The following TMEM132D variants were observed in gnomAD, a reference collection of about 807,000 sequenced individuals.
TMEM132D encodes transmembrane protein 132D, also known as mature OL transmembrane protein.
In TMEM132D, 21 loss-of-function variants were observed where a neutral mutation model predicts 62.3. The ratio of observed to expected loss-of-function variants is 0.34; its 90% CI spans 0.24 to 0.49. The LOEUF is 0.49. TMEM132D is among the 20% of genes least tolerant of loss of function. The pLI, the probability that TMEM132D is intolerant of heterozygous loss-of-function variation, is 0.99. For missense variants in TMEM132D, 1,346 were observed against 1,402.8 expected, an observed-to-expected ratio of 0.96 and a Z score of 0.65; for synonymous variants, 621 against 575.6, an observed-to-expected ratio of 1.08 and a Z score of -1.13.
chr12:129,567,322 C>T (rs1201023599), intron 2 of TMEM132D, among the ~76,000 whole-genome samples: 5 of 152,258 alleles, frequency 3.3e-5, no homozygotes, highest in Admixed American at 6.5e-5. Context: ...TATACAATCA[C>T]GTGTAGATAC....
intron 1 of TMEM132D, among the ~76,000 whole-genome samples, chr12:129,795,656 C>T (rs1871541435): frequency 6.6e-6 from 1 of 152,124 alleles, no homozygotes; most frequent in Admixed American, 6.5e-5. Flanking sequence ...TGTCAGTCTA[C>T]TCCTATCTTA....
Position 129,487,622 on chromosome 12 carries a change from G to A in TMEM132D, c.1115+43437C>T, listed in dbSNP as rs891106332. On this transcript the variant is annotated intron_variant, in intron 3 of 8. Transcript: ENST00000422113. ...CCAATGTGGTGATCTTAAGAGGTGG[G>A]GCCTTTTAGGAAGTCATGGAGTCAT... Among the ~76,000 whole-genome samples the A allele has an allele frequency of 2.6e-5, 4 of 152,038 alleles. No individual in the cohort carries two copies. In the South Asian group the frequency reaches 8.3e-4, roughly 32 times the overall value.
At chr12:129,574,633 G>A (rs77265977) in intron 2 of TMEM132D, among the ~76,000 whole-genome samples, 14,433 of 151,802 alleles carry the variant, frequency 0.095, 928 homozygotes, top group Admixed American at 0.17. Flanking sequence ...TGGAGAGAAA[G>A]CTGAAACTCA....
chr12:129,582,884 CA>C (rs751309035), intron 2 of TMEM132D, among the ~76,000 whole-genome samples: 75 of 152,150 alleles, frequency 4.9e-4, no homozygotes, highest in Non-Finnish European at 9.6e-4. Context: ...CTCGGCCTCC[CA>C]AAGTGCTGGG....
At chr12:129,186,757 A>G (rs1452520503) in intron 5 of TMEM132D, among the ~76,000 whole-genome samples, 1 of 152,248 alleles carries the variant, frequency 6.6e-6, no homozygotes, top group Non-Finnish European at 1.5e-5. Flanking sequence ...ATCACTCCGC[A>G]GGAGATTTAG....
chr12:129,086,942 TTAA>T (rs1468961953), intron 5 of TMEM132D, among the ~76,000 whole-genome samples: 1 of 152,152 alleles, frequency 6.6e-6, no homozygotes, highest in African/African-American at 2.4e-5. Context: ...TTTTCCATAA[TTAA>T]TTTTCCATAC....
At chr12:129,863,181 GTGTC>G (rs2137370084) in intron 1 of TMEM132D, among the ~76,000 whole-genome samples, 1 of 152,296 alleles carries the variant, frequency 6.6e-6, no homozygotes, top group Admixed American at 6.5e-5. Context: ...ACAGACCTTG[GTGTC>G]TGTCTTAGAG....
intron 3 of TMEM132D, among the ~76,000 whole-genome samples, chr12:129,526,314 T>C (rs534452549): frequency 1.5e-3 from 225 of 152,326 alleles, no homozygotes; most frequent in African/African-American, 5.2e-3. Flanking sequence ...ACAAAGTCTT[T>C]GGCTCTGTCT....
chr12:129,812,293 C>A (rs1348859378), intron 1 of TMEM132D, among the ~76,000 whole-genome samples: 1 of 151,590 alleles, frequency 6.6e-6, no homozygotes, highest in Admixed American at 6.6e-5. Context: ...GTGTTTTCAC[C>A]AAAGAAGACT....
At chr12:129,112,420 G>T (rs7971429) in intron 5 of TMEM132D, among the ~76,000 whole-genome samples, 2 of 152,098 alleles carry the variant, frequency 1.3e-5, no homozygotes, top group Non-Finnish European at 2.9e-5. Flanking sequence ...CCAGCACTTT[G>T]GGAGGCCAAG....
chr12:129,515,249 C>T (rs1170847567), intron 3 of TMEM132D, among the ~76,000 whole-genome samples: 3 of 152,142 alleles, frequency 2.0e-5, no homozygotes, highest in Non-Finnish European at 4.4e-5. Flanking sequence ...TTGTTGCTGT[C>T]GGTACACTGG....
intron 4 of TMEM132D, among the ~76,000 whole-genome samples, chr12:129,304,893 C>T (rs186486267): frequency 2.6e-5 from 4 of 152,058 alleles, no homozygotes; most frequent in South Asian, 2.1e-4. Context: ...TGAACTCTTG[C>T]CCTCAAGTGA....
At chr12:129,829,835 G>A (rs1872775342) in intron 1 of TMEM132D, among the ~76,000 whole-genome samples, 1 of 152,188 alleles carries the variant, frequency 6.6e-6, no homozygotes, top group African/African-American at 2.4e-5. Flanking sequence ...TCTTTTCTGA[G>A]AAACCCAGAG....
At chr12:129,259,051 G>A (rs1880482449) in intron 4 of TMEM132D, among the ~76,000 whole-genome samples, 1 of 152,162 alleles carries the variant, frequency 6.6e-6, no homozygotes, top group Non-Finnish European at 1.5e-5. Context: ...GGCTTCTGGA[G>A]CATTAACCAT....
At chr12:129,337,613 C>T (rs1566037549) in intron 4 of TMEM132D, 21 bp downstream of exon 4, 1 of 1,613,388 alleles carries the variant, frequency 6.2e-7, no homozygotes, top group South Asian at 1.1e-5. Context: ...GTTCTAACAG[C>T]CCAGGGCGGG....
rs554301473 is a variant in TMEM132D at position 129,084,937 on chromosome 12, G to A, written c.1444-235C>T. The A allele has an allele frequency of 7.5e-5, 42 of 562,446 alleles. No homozygotes were observed. In the East Asian group the frequency reaches 1.3e-3, roughly 17 times the overall value. The allele number at this position is 562,446 out of a possible 1,614,324, so 34.8% of individuals were successfully genotyped here. ...AGTACCCAGGCTTCCTGGGGTCCCT[G>A]TGGCTAGGTTGGTGGACTCCTCCCC... On this transcript the variant is annotated intron_variant, in intron 5 of 8. Transcript: ENST00000422113.
chr12:129,293,082 T>C (rs995358485), intron 4 of TMEM132D, among the ~76,000 whole-genome samples: 1 of 152,098 alleles, frequency 6.6e-6, no homozygotes, highest in African/African-American at 2.4e-5. Context: ...AGAGAGAAAT[T>C]GACAGAGACT....
intron 1 of TMEM132D, among the ~76,000 whole-genome samples, chr12:129,794,528 T>C (rs1200888536): frequency 6.6e-6 from 1 of 152,204 alleles, no homozygotes; most frequent in Non-Finnish European, 1.5e-5. Flanking sequence ...AAGTTAACCT[T>C]AAAGAAAACA....
intron 1 of TMEM132D, among the ~76,000 whole-genome samples, chr12:129,770,901 T>G (rs947452854): frequency 1.3e-5 from 2 of 152,212 alleles, no homozygotes; most frequent in African/African-American, 4.8e-5. Flanking sequence ...AAAAGAAACT[T>G]TAAGTCAAAC....
Sources: gnomAD v4.1 joint callset for allele counts (sites outside exome capture counted in the v4.1 genomes callset) on GRCh38, gnomAD v4.1.1 for gene constraint, MANE v1.5 for transcripts, NCBI Gene and HGNC (gene_info 2026-07-23, HGNC 2026-07-21) for gene names.